Variants in PLPPR1 observed in about 807,000 individuals in gnomAD.
The protein encoded by PLPPR1 is phospholipid phosphatase related 1.
PLPPR1 carries 10 observed loss-of-function variants against 33.1 expected under a neutral mutation model. The ratio of observed to expected loss-of-function variants is 0.30; its 90% confidence interval spans 0.19 to 0.51. The LOEUF is 0.51. Among genes scored for constraint, PLPPR1 ranks in the 20% least tolerant of loss-of-function variants. The pLI is 0.97. For synonymous variants in PLPPR1, 151 were observed against 151.0 expected (o/e 1.00, Z 0.00); for missense variants, 304 against 408.1 (o/e 0.74, Z 2.20).
intron 1 of PLPPR1, among the ~76,000 whole-genome samples, chr9:101,111,273 A>C (rs1230229494): frequency 6.6e-6 from 1 of 152,182 alleles, no homozygotes; most frequent in African/African-American, 2.4e-5. Flanking sequence ...GAAAATAACA[A>C]ATAAAAGCTA....
At chr9:101,287,835 T>C (rs1272487788) in intron 4 of PLPPR1, among the ~76,000 whole-genome samples, 1 of 152,066 alleles carries the variant, frequency 6.6e-6, no homozygotes, top group East Asian at 1.9e-4. Flanking sequence ...GTTGTACATA[T>C]GAAGAATCTT....
rs1483323859 is a variant in PLPPR1, at chr9:101,313,819, C to T, written c.813+845C>T. The stretch of plus-strand genomic sequence containing the variant: ...TCAATTTTGGCATACAACTTTCTCA[C>T]CCTTCCTTTTCCCTTATCCCCAGGC... On this transcript the variant is annotated intron_variant, in intron 6 of 7. Transcript: ENST00000374874. Among the ~76,000 whole-genome samples, 4 of 152,142 alleles carry T rather than the reference C, an allele frequency of 2.6e-5. No individual in the cohort carries two copies. The East Asian group carries it at 7.7e-4, about 29-fold the overall frequency.
chr9:101,168,374 T>C (rs2417244), intron 1 of PLPPR1, among the ~76,000 whole-genome samples: 68,978 of 151,852 alleles, frequency 0.45, 16,392 homozygotes, highest in Non-Finnish European at 0.53. Context: ...ACCATAGATA[T>C]GATATGGGAT....
At chr9:101,175,944 A>G (rs1588058462) in intron 1 of PLPPR1, among the ~76,000 whole-genome samples, 1 of 152,334 alleles carries the variant, frequency 6.6e-6, no homozygotes, top group East Asian at 1.9e-4. Context: ...GACTCAAGAG[A>G]GAGAAAAGCC....
chr9:101,143,866 G>C (rs1202956484), intron 1 of PLPPR1, among the ~76,000 whole-genome samples: 1 of 152,254 alleles, frequency 6.6e-6, no homozygotes, highest in Admixed American at 6.5e-5. Context: ...GTGGAAGACA[G>C]TGTGGTGATT....
chr9:101,147,710 C>A (rs556092856), intron 1 of PLPPR1, among the ~76,000 whole-genome samples: 1 of 152,314 alleles, frequency 6.6e-6, no homozygotes, highest in South Asian at 2.1e-4. Flanking sequence ...GGAAGGGCCC[C>A]AGGCACCCAT....
At chr9:101,142,734 T>G (rs1055752703) in intron 1 of PLPPR1, among the ~76,000 whole-genome samples, 1 of 152,192 alleles carries the variant, frequency 6.6e-6, no homozygotes, top group Non-Finnish European at 1.5e-5. Flanking sequence ...TTCCTTCATT[T>G]GGCTGCTGCT....
At chr9:101,283,871 G>GA (rs913977393) in intron 3 of PLPPR1, among the ~76,000 whole-genome samples, 7 of 151,468 alleles carry the variant, frequency 4.6e-5, no homozygotes, top group East Asian at 1.9e-4. Flanking sequence ...ACAAATATAT[G>GA]AAAAAAAATG....
intron 1 of PLPPR1, among the ~76,000 whole-genome samples, chr9:101,073,170 TA>T (rs1415083370): frequency 6.6e-6 from 1 of 152,192 alleles, no homozygotes; most frequent in Non-Finnish European, 1.5e-5. Flanking sequence ...GGTGATACTT[TA>T]AAACTCTAAT....
At chr9:101,117,674 AG>A (rs1831132306) in intron 1 of PLPPR1, among the ~76,000 whole-genome samples, 2 of 149,704 alleles carry the variant, frequency 1.3e-5, no homozygotes, top group African/African-American at 2.5e-5. Flanking sequence ...AAAAAAAAAA[AG>A]TACAGGCTCT....
intron 1 of PLPPR1, among the ~76,000 whole-genome samples, chr9:101,062,243 A>G (rs1454987276): frequency 6.6e-6 from 1 of 151,918 alleles, no homozygotes; most frequent in East Asian, 1.9e-4. Flanking sequence ...CAAGGATCAC[A>G]TTAAACAACA....
intron 2 of PLPPR1, among the ~76,000 whole-genome samples, chr9:101,253,520 G>A (rs1008405940): frequency 6.6e-6 from 1 of 151,862 alleles, no homozygotes; most frequent in Non-Finnish European, 1.5e-5. Context: ...CAGCCTGGTT[G>A]ACTGAGTGAG....
chr9:101,062,149 GGTGTGTGTGTGTGTGTGT>G (rs56998660), intron 1 of PLPPR1, among the ~76,000 whole-genome samples: 1,492 of 148,544 alleles, frequency 0.01, 15 homozygotes, highest in Non-Finnish European at 0.015. Context: ...GACAAAATGT[GGTGTGTGTGTGTGTGTGT>G]GTGTGTGTGT....
Position 101,156,472 on chromosome 9 carries a change from G to A in PLPPR1, c.-45-28978G>A, listed in dbSNP as rs554555199. Among the ~76,000 whole-genome samples, 270 of 147,864 alleles carry A rather than the reference G, an allele frequency of 1.8e-3. 4 individuals are homozygous for A. The South Asian group carries it at 0.019, about 11-fold the overall frequency. ...GTGCTGAGGCAAGATAATTGCTTGA[G>A]TCTGGGAGGCAGAAGTTGCAGTGAG... is the stretch of plus-strand genomic sequence containing the variant. On this transcript the variant is annotated intron_variant, in intron 1 of 7. Transcript: ENST00000374874.
intron 4 of PLPPR1, among the ~76,000 whole-genome samples, chr9:101,308,925 C>G (rs968862345): frequency 6.6e-6 from 1 of 152,196 alleles, no homozygotes; most frequent in Non-Finnish European, 1.5e-5. Flanking sequence ...GAATGAGTCA[C>G]CACTGATGTG....
intron 2 of PLPPR1, among the ~76,000 whole-genome samples, chr9:101,264,320 G>T (rs1827948603): frequency 6.6e-6 from 1 of 152,070 alleles, no homozygotes. Context: ...TTATGGAATT[G>T]AATATCTATA....
At chr9:101,092,377 T>C (rs974670773) in intron 1 of PLPPR1, among the ~76,000 whole-genome samples, 1 of 152,112 alleles carries the variant, frequency 6.6e-6, no homozygotes, top group Admixed American at 6.5e-5. Context: ...CAGGAGGGAG[T>C]CATATCTGTC....
In PLPPR1 at chr9:101,038,454, G is replaced by A. The variant is rs150934681; in HGVS notation, c.-46+9352G>A. On this transcript the variant is annotated intron_variant, in intron 1 of 7. Transcript: ENST00000374874. ...AAATAACGAGAGGACTTAATAAATG[G>A]CAAAAGCTGTAAATTCTCCTTGATT... Among the ~76,000 whole-genome samples the A allele has an allele frequency of 8.5e-5, 13 of 152,178 alleles. No individual in the cohort carries two copies. The East Asian group carries it at 2.1e-3, about 25-fold the overall frequency.
intron 1 of PLPPR1, among the ~76,000 whole-genome samples, chr9:101,089,954 A>C (rs12343295): frequency 6.6e-6 from 1 of 152,110 alleles, no homozygotes; most frequent in African/African-American, 2.4e-5. Context: ...ATTGTCTCAC[A>C]GACTGGAGGC....
Sources: gnomAD v4.1 joint callset for allele counts (sites outside exome capture counted in the v4.1 genomes callset) on GRCh38, gnomAD v4.1.1 for gene constraint, MANE v1.5 for transcripts, NCBI Gene and HGNC (gene_info 2026-07-23, HGNC 2026-07-21) for gene names.